AJAP1: variants seen among roughly 807,000 people sequenced by gnomAD.
The protein encoded by AJAP1 is adherens junctions associated protein 1.
A neutral mutation model predicts 35.0 loss-of-function variants in AJAP1; 5 were observed. The observed-to-expected ratio is 0.14, with a 90% confidence interval of 0.07 to 0.30. The LOEUF (loss-of-function observed/expected upper bound fraction) is 0.30. AJAP1 is among the 10% of genes least tolerant of loss of function. AJAP1 has a pLI of 1.00. For missense variants in AJAP1, 586 were observed against 571.0 expected, an observed-to-expected ratio of 1.03 and a Z score of -0.27; for synonymous variants, 284 against 249.3, an observed-to-expected ratio of 1.14 and a Z score of -1.31.
At chr1:4,745,049 G>A (rs779902233) in intron 2 of AJAP1, among the ~76,000 whole-genome samples, 12 of 152,136 alleles carry the variant, frequency 7.9e-5, no homozygotes, top group Non-Finnish European at 1.3e-4. Flanking sequence ...CAGACAGAGC[G>A]TCCTTGGAAG....
chr1:4,710,033 C>G (rs1640190916), intron 1 of AJAP1, among the ~76,000 whole-genome samples: 1 of 152,130 alleles, frequency 6.6e-6, no homozygotes, highest in African/African-American at 2.4e-5. Context: ...CAACTAAACT[C>G]TCCTACACAG....
intron 1 of AJAP1, among the ~76,000 whole-genome samples, chr1:4,707,614 C>T (rs115881714): frequency 2.6e-5 from 4 of 152,220 alleles, no homozygotes; most frequent in Admixed American, 1.3e-4. Flanking sequence ...AAAGGCTGAA[C>T]GATACTCCAT....
intron 1 of AJAP1, among the ~76,000 whole-genome samples, chr1:4,668,183 C>A (rs944285132): frequency 6.7e-6 from 1 of 149,858 alleles, no homozygotes; most frequent in African/African-American, 2.5e-5. Flanking sequence ...CACTGCACTG[C>A]AGCCTGGGTG....
At chr1:4,764,413 A>G (rs1385939661) in intron 2 of AJAP1, among the ~76,000 whole-genome samples, 2 of 152,054 alleles carry the variant, frequency 1.3e-5, no homozygotes, top group Non-Finnish European at 2.9e-5. Flanking sequence ...GGTTCCTCCA[A>G]CTCCAGCAAG....
In AJAP1 at chr1:4,782,901, C is replaced by G. The variant is rs1642092649; in HGVS notation, c.*416C>G. 1 of 398,482 alleles carries G rather than the reference C, an allele frequency of 2.5e-6. No homozygotes were observed. The allele number at this position is 398,482 out of a possible 1,614,324, so 24.7% of individuals were successfully genotyped here. A position where few individuals can be genotyped will look rare whatever the true frequency, so the allele number is the denominator to read the frequency against. On this transcript the variant is annotated 3_prime_UTR_variant, in exon 6 of 6. Transcript: ENST00000378191. This position sits in a 1 kb window ranked among gnomAD's most constrained non-coding sequence, Gnocchi z 5.3. ...CAATAATACCATTATGTGCCATGTA[C>G]TGACCCGAAAGGCTCGGCCGCAGAG...
Position 4,723,788 on chromosome 1 carries a change from AT to A in AJAP1, c.829+11100del, listed in dbSNP as rs56388001. ...ATTTTGGTTGTTCTGTTTCGTTTTG[AT>A]TTTTTTTTTTATCGTGGGAGTATTC... On this transcript the variant is annotated intron_variant, in intron 2 of 5. Transcript: ENST00000378191. This position sits in a 1 kb window ranked among gnomAD's most constrained non-coding sequence, Gnocchi z 4.3. 0.015 allele frequency among the ~76,000 whole-genome samples: 2,137 copies of A among 147,088 alleles called. 35 individuals are homozygous for A. The highest frequency in any genetic ancestry group is 0.047 in the African/African-American group (1,915 of 40,316).
At chr1:4,710,980 G>T (rs1159798637) in intron 1 of AJAP1, among the ~76,000 whole-genome samples, 1 of 152,158 alleles carries the variant, frequency 6.6e-6, no homozygotes, top group Non-Finnish European at 1.5e-5. Flanking sequence ...AGGCAGCCCC[G>T]CCCTCCTCAG....
In AJAP1 at chr1:4,788,882, C is replaced by G. The variant is rs191617069; in HGVS notation, c.*6397C>G. 6.6e-6 allele frequency: 1 copy of G among 152,252 alleles called. No homozygotes were observed. Among genetic ancestry groups the G allele is most frequent in the Non-Finnish European group, 1.5e-5 (1 of 68,072 alleles). The allele number at this position is 152,252 out of a possible 1,614,324, so 9.4% of individuals were successfully genotyped here. A position where few individuals can be genotyped will look rare whatever the true frequency, so the allele number is the denominator to read the frequency against. Reference sequence around the variant, plus strand: ...CAAGTCCACACTCCACACCTGTAAACGCACAGCCCATGCCCCATTGTAAAG... The same window carrying G: ...CAAGTCCACACTCCACACCTGTAAAGGCACAGCCCATGCCCCATTGTAAAG... On this transcript the variant is annotated 3_prime_UTR_variant, in exon 6 of 6. Transcript: ENST00000378191.
chr1:4,712,148 T>C lies in AJAP1; in HGVS notation c.278T>C (p.Met93Thr). 1 of 1,563,862 alleles carries C rather than the reference T, an allele frequency of 6.4e-7. No individual in the cohort carries two copies. The highest frequency in any genetic ancestry group is 8.6e-7 in the Non-Finnish European group (1 of 1,160,926). The change falls in exon 2 of 6, where the codon ATG becomes ACG. Residue 93 changes from methionine (M) to threonine (T), a missense_variant. Physicochemically the swap from Met to Thr is moderately conservative, Grantham distance 81 (BLOSUM62 -1). Transcript: ENST00000378191. The stretch of plus-strand genomic sequence containing the variant: ...CGAGTGGAGCGGATCCACGGGCAGA[T>C]GCAGATGCCTCGAGCCAGACGGGCC... ...PPRVERIHGQ[M>T]QMPRARRAHR... is the part of the protein sequence containing the mutation.
chr1:4,765,673 A>G (rs1641668334), intron 2 of AJAP1, among the ~76,000 whole-genome samples: 1 of 152,206 alleles, frequency 6.6e-6, no homozygotes, highest in African/African-American at 2.4e-5. Flanking sequence ...AAACATGGAG[A>G]AAATGGAGAT....
intron 2 of AJAP1, among the ~76,000 whole-genome samples, chr1:4,719,166 G>A (rs1023355570): frequency 2.6e-5 from 4 of 152,066 alleles, no homozygotes; most frequent in Non-Finnish European, 5.9e-5. Context: ...TAGACTTTTT[G>A]TTTTACTGTG....
intron 1 of AJAP1, among the ~76,000 whole-genome samples, chr1:4,667,172 G>A (rs1203047068): frequency 6.6e-6 from 1 of 152,118 alleles, no homozygotes; most frequent in African/African-American, 2.4e-5. Context: ...GAAGACAACT[G>A]GCCTGGCCCC....
At chr1:4,665,060 GA>G (rs1056062301) in intron 1 of AJAP1, among the ~76,000 whole-genome samples, 1 of 151,930 alleles carries the variant, frequency 6.6e-6, no homozygotes, top group African/African-American at 2.4e-5. Flanking sequence ...GTAAAATGCG[GA>G]AAAAGCCCCA....
At chr1:4,764,906 T>C (rs1420172564) in intron 2 of AJAP1, among the ~76,000 whole-genome samples, 1 of 152,202 alleles carries the variant, frequency 6.6e-6, no homozygotes. Flanking sequence ...GACCCAGAGA[T>C]GGATTACAAA....
chr1:4,751,546 T>C (rs1298597930), intron 2 of AJAP1, among the ~76,000 whole-genome samples: 2 of 152,192 alleles, frequency 1.3e-5, no homozygotes, highest in Non-Finnish European at 2.9e-5. Flanking sequence ...CTGCTGCTTC[T>C]CTGGAGACAC....
rs1461097593 is a variant in AJAP1, at chr1:4,783,624, G to C, written c.*1139G>C. ...GATTTTTTTTTTTCATTTAAGTGTT[G>C]GAAGATGCTACCTAACAGCCACGTT... On this transcript the variant is annotated 3_prime_UTR_variant, in exon 6 of 6. Coordinates refer to ENST00000378191, the MANE Select transcript of AJAP1 (RefSeq NM_018836.4). 4 of 147,468 alleles carry C rather than the reference G, an allele frequency of 2.7e-5. No individual in the cohort carries two copies. The East Asian group carries it at 8.0e-4, about 29-fold the overall frequency. 9.1% of individuals were successfully genotyped at this position (147,468 alleles called of 1,614,324 possible). A position where few individuals can be genotyped will look rare whatever the true frequency, so the allele number is the denominator to read the frequency against.
At chr1:4,711,489 T>G (rs1238322344) in intron 1 of AJAP1, among the ~76,000 whole-genome samples, 1 of 152,160 alleles carries the variant, frequency 6.6e-6, no homozygotes, top group East Asian at 1.9e-4. Context: ...ATCCTCTCAC[T>G]TACGTCCTCT....
At chr1:4,757,486 A>G (rs1295880704) in intron 2 of AJAP1, among the ~76,000 whole-genome samples, 1 of 152,144 alleles carries the variant, frequency 6.6e-6, no homozygotes, top group Non-Finnish European at 1.5e-5. Context: ...CCTTGCTCCC[A>G]ACACTGGCCC....
chr1:4,760,547 C>T (rs781207933), intron 2 of AJAP1, among the ~76,000 whole-genome samples: 6 of 152,156 alleles, frequency 3.9e-5, no homozygotes, highest in Non-Finnish European at 8.8e-5. Context: ...ACTCCCCCGC[C>T]CCTGGGATGG....
Sources: gnomAD v4.1 joint callset for allele counts (sites outside exome capture counted in the v4.1 genomes callset) on GRCh38, gnomAD v4.1.1 for gene constraint, Gnocchi (gnomAD v3.1) non-coding constraint, MANE v1.5 for transcripts, NCBI Gene and HGNC (gene_info 2026-07-23, HGNC 2026-07-21) for gene names.